Variants in TBC1D22B observed in about 807,000 individuals in gnomAD.
TBC1D22B encodes the protein TBC1 domain family member 22B, also known as chromosome 6 open reading frame 197.
Under a neutral mutation model 69.1 loss-of-function variants are expected in TBC1D22B, and 32 were observed. The ratio of observed to expected loss-of-function variants is 0.46; its 90% CI spans 0.35 to 0.62. The LOEUF is 0.62. TBC1D22B is among the 20% of genes least tolerant of loss of function. The probability of loss-of-function intolerance (pLI) is 0.00; values close to 1 mark genes in which losing one functional copy is unlikely to be tolerated. For synonymous variants in TBC1D22B, 206 were observed against 229.8 expected, an observed-to-expected ratio of 0.90 and a Z score of 0.94; for missense variants, 462 against 630.9, an observed-to-expected ratio of 0.73 and a Z score of 2.87.
At chr6:37,327,489 A>AAAT (rs1768456130) in intron 12 of TBC1D22B, among the ~76,000 whole-genome samples, 3 of 93,356 alleles carry the variant, frequency 3.2e-5, no homozygotes, top group African/African-American at 1.2e-4. Flanking sequence ...AAAAAAAAAA[A>AAAT]AAAAAAAAAA....
At chr6:37,282,736 G>GT in intron 4 of TBC1D22B, 146 bp from the exon 5 acceptor site, 1 of 779,116 alleles carries the variant, frequency 1.3e-6, no homozygotes, top group South Asian at 1.6e-5. Flanking sequence ...GCTCGGGGCT[G>GT]TTTTGGGCTT....
intron 8 of TBC1D22B, among the ~76,000 whole-genome samples, chr6:37,300,873 G>A (rs80308332): frequency 0.048 from 7,248 of 152,078 alleles, 225 homozygotes; most frequent in Non-Finnish European, 0.07. Context: ...ATACAGTATC[G>A]TAAGCTGTGG....
At chr6:37,326,277 G>A (rs1318784679) in intron 12 of TBC1D22B, among the ~76,000 whole-genome samples, 1 of 151,266 alleles carries the variant, frequency 6.6e-6, no homozygotes, top group Admixed American at 6.6e-5. Context: ...CTACTCAGGA[G>A]GCTGAGGCAG....
intron 11 of TBC1D22B, 64 bp from the exon 12 acceptor site, chr6:37,317,047 G>A: frequency 6.6e-7 from 1 of 1,515,152 alleles, no homozygotes; most frequent in East Asian, 2.4e-5. Context: ...GAATGGAACT[G>A]AGAGGACCAG....
intron 3 of TBC1D22B, 25 bp from the exon 4 acceptor site, chr6:37,282,160 C>G: frequency 6.2e-7 from 1 of 1,612,560 alleles, no homozygotes; most frequent in Non-Finnish European, 8.5e-7. Context: ...ACAGCCCGTT[C>G]TCTTTCTTTT....
chr6:37,282,999 T>A, intron 5 of TBC1D22B, 47 bp downstream of exon 5: 1 of 1,552,672 alleles, frequency 6.4e-7, no homozygotes, highest in African/African-American at 1.4e-5. Context: ...CACACAGCCC[T>A]TCTTGCCTGA....
chr6:37,326,570 C>T (rs554480575), intron 12 of TBC1D22B, among the ~76,000 whole-genome samples: 12 of 152,164 alleles, frequency 7.9e-5, no homozygotes, highest in East Asian at 7.7e-4. Context: ...GGGCAGATCC[C>T]GAGGTCAGGA....
rs113199198 is a variant in TBC1D22B at position 37,268,475 on chromosome 6, T to A, written c.57-1119T>A. 2.7e-3 allele frequency among the ~76,000 whole-genome samples: 414 copies of A among 152,322 alleles called. 2 individuals carry two copies. The highest frequency in any genetic ancestry group is 9.2e-3 in the African/African-American group (382 of 41,576). ...AACTCCTAGGCTCAAGCAGTCATTT[T>A]GCCGTGGCCTCCCAAAGTGCTAGGA... On this transcript the variant is annotated intron_variant, in intron 1 of 12. Transcript: ENST00000373491.
rs1331099384 is a variant in TBC1D22B, at chr6:37,303,915, C to T, written c.983-9003C>T. ...TAGTTGTTTGTGTTTCCCTCCTACT[C>T]TCTGCCACCAGACTTTCTGATTCTT... On this transcript the variant is annotated intron_variant, in intron 8 of 12. Transcript: ENST00000373491. Among the ~76,000 whole-genome samples the T allele has an allele frequency of 3.9e-5, 6 of 152,354 alleles. No homozygotes were observed. In the Middle Eastern group the frequency reaches 0.01, roughly 259 times the overall value.
rs112314735 is a variant in TBC1D22B at position 37,329,620 on chromosome 6, C to T, written c.1390-1424C>T. On this transcript the variant is annotated intron_variant, in intron 12 of 12. Coordinates refer to ENST00000373491, the MANE Select transcript of TBC1D22B (RefSeq NM_017772.4). ...AACCAAGACCTCAAAATAACAGTGG[C>T]TTAAAACAAGAGAGTTGTTTATTTC... 3.2e-3 allele frequency among the ~76,000 whole-genome samples: 484 copies of T among 152,314 alleles called. 1 individual carries two copies. Among genetic ancestry groups the T allele is most frequent in the African/African-American group, 0.011 (440 of 41,564 alleles).
At chr6:37,258,500 C>G (rs893637679) in intron 1 of TBC1D22B, among the ~76,000 whole-genome samples, 1 of 152,186 alleles carries the variant, frequency 6.6e-6, no homozygotes, top group East Asian at 1.9e-4. Flanking sequence ...CTTACTTTAT[C>G]TTGAGTTGGC....
At chr6:37,279,184 G>T in intron 2 of TBC1D22B, 120 bp from the exon 3 acceptor site, 4 of 1,016,786 alleles carry the variant, frequency 3.9e-6, no homozygotes, top group Non-Finnish European at 1.4e-6. Flanking sequence ...ATTTTTGTTT[G>T]AAGAAGCTAA....
chr6:37,316,633 A>T, intron 10 of TBC1D22B, 70 bp from the exon 11 acceptor site: 1 of 1,595,590 alleles, frequency 6.3e-7, no homozygotes, highest in South Asian at 1.1e-5. Flanking sequence ...GGGAGCTGCT[A>T]TTTTGGCTCC....
rs779754603 is a variant in TBC1D22B at position 37,257,999 on chromosome 6, A to G, written c.56+26A>G. On this transcript the variant is annotated intron_variant, in intron 1 of 12. Coordinates refer to ENST00000373491, the MANE Select transcript of TBC1D22B (RefSeq NM_017772.4). ...GTGAGCCCAGGACGCTGAGAGGGAT[A>G]GGGGATTGGACCAAACCCTTCCAGA... is the stretch of plus-strand genomic sequence containing the variant. 5.0e-6 allele frequency: 8 copies of G among 1,612,380 alleles called. No individual in the cohort carries two copies. The African/African-American group carries it at 9.3e-5, about 19-fold the overall frequency.
chr6:37,261,434 A>G (rs1353407573), intron 1 of TBC1D22B, among the ~76,000 whole-genome samples: 7 of 112,234 alleles, frequency 6.2e-5, no homozygotes, highest in Non-Finnish European at 3.9e-5. Flanking sequence ...ATTGTCTCCA[A>G]AAAAAAAAAA....
chr6:37,305,351 C>A (rs574158667), intron 8 of TBC1D22B, among the ~76,000 whole-genome samples: 12 of 152,198 alleles, frequency 7.9e-5, no homozygotes, highest in Middle Eastern at 3.4e-3. Flanking sequence ...ATGCACAGTT[C>A]GATGAATTTC....
At chr6:37,320,597 T>C (rs1768211464) in intron 12 of TBC1D22B, among the ~76,000 whole-genome samples, 1 of 152,132 alleles carries the variant, frequency 6.6e-6, no homozygotes, top group Non-Finnish European at 1.5e-5. Flanking sequence ...AGGTTCATAC[T>C]GAGGGAAACT....
intron 7 of TBC1D22B, among the ~76,000 whole-genome samples, chr6:37,288,531 G>A (rs1378123256): frequency 2.0e-5 from 3 of 152,180 alleles, no homozygotes; most frequent in East Asian, 1.9e-4. Context: ...GAGCCTAGGA[G>A]TTTGAGACCA....
chr6:37,294,312 C>G (rs1193892387), intron 8 of TBC1D22B, among the ~76,000 whole-genome samples: 1 of 152,092 alleles, frequency 6.6e-6, no homozygotes, highest in East Asian at 1.9e-4. Context: ...ACTGCAGATG[C>G]ACACCCACCA....
Sources: gnomAD v4.1 joint callset for allele counts (sites outside exome capture counted in the v4.1 genomes callset) on GRCh38, gnomAD v4.1.1 for gene constraint, MANE v1.5 for transcripts, NCBI Gene and HGNC (gene_info 2026-07-23, HGNC 2026-07-21) for gene names.